CPSF2: variants seen among roughly 807,000 people sequenced by gnomAD.
CPSF2 encodes cleavage and polyadenylation specificity factor subunit 2.
CPSF2 carries 51 observed loss-of-function variants against 84.2 expected under a neutral mutation model. That is an observed-to-expected ratio of 0.61 (90% CI 0.48 to 0.77). The LOEUF (loss-of-function observed/expected upper bound fraction) is 0.77. Ranked by LOEUF, CPSF2 falls within the 30% of genes least tolerant of loss-of-function variation. The pLI is 0.00. For missense variants in CPSF2, 641 were observed against 929.4 expected, an observed-to-expected ratio of 0.69 and a Z score of 4.03; for synonymous variants, 286 against 311.9, an observed-to-expected ratio of 0.92 and a Z score of 0.87.
In CPSF2 at chr14:92,159,074, G is replaced by C. The variant is rs746403037; in HGVS notation, c.1913G>C (p.Arg638Thr). The change falls in exon 14 of 16, where the codon AGA becomes ACA. Residue 638 changes from arginine to threonine, a missense_variant. Arg to Thr is a moderately conservative substitution (Grantham distance 71). Coordinates refer to ENST00000298875, the MANE Select transcript of CPSF2 (RefSeq NM_017437.3). ...LAWIDGVLDM[R>T]VSKVDTGVIL... Reference sequence around the variant, plus strand: ...TGGATAGATGGTGTCTTAGATATGAGAGTTTCCAAAGTGGACACAGGGGTT... The same window carrying C: ...TGGATAGATGGTGTCTTAGATATGACAGTTTCCAAAGTGGACACAGGGGTT... The C allele has an allele frequency of 6.2e-7, 1 of 1,614,052 alleles. No homozygotes were observed. The highest frequency in any genetic ancestry group is 1.1e-5 in the South Asian group (1 of 91,076).
intron 9 of CPSF2, among the ~76,000 whole-genome samples, chr14:92,145,079 A>G (rs1158592784): frequency 6.6e-6 from 1 of 152,226 alleles, no homozygotes; most frequent in African/African-American, 2.4e-5. Context: ...AAATTAGTAT[A>G]TCATTAAAGT....
At position 92,150,510 on chromosome 14, in the gene CPSF2, C is replaced by T. The variant is rs2069201386; in HGVS notation, c.1141-3848C>T. ...AGGCACAATCATGGCTCACCACATC[C>T]TTGAACTTCTGCGTTCATGTGACCC... is the stretch of plus-strand genomic sequence containing the variant. On this transcript the variant is annotated intron_variant, in intron 9 of 15. Coordinates refer to ENST00000298875, the MANE Select transcript of CPSF2 (RefSeq NM_017437.3). Among the ~76,000 whole-genome samples, 4 of 152,032 alleles carry T rather than the reference C, an allele frequency of 2.6e-5. No individual in the cohort carries two copies. In the South Asian group the frequency reaches 8.3e-4, roughly 32 times the overall value.
chr14:92,138,536 TCTTGTGCCTCAGCCTC>T (rs1038074280), intron 7 of CPSF2, among the ~76,000 whole-genome samples, 189 bp downstream of exon 7: 16 of 152,220 alleles, frequency 1.1e-4, no homozygotes, highest in Admixed American at 9.2e-4. Flanking sequence ...TTCAAGTGAT[TCTTGTGCCTCAGCCTC>T]CCGAGTAGCT....
At chr14:92,127,036 C>T (rs2068853096) in intron 2 of CPSF2, among the ~76,000 whole-genome samples, 1 of 152,086 alleles carries the variant, frequency 6.6e-6, no homozygotes, top group Non-Finnish European at 1.5e-5. Context: ...CCCATTCCTT[C>T]CTTTAAGAAA....
intron 14 of CPSF2, among the ~76,000 whole-genome samples, chr14:92,160,784 C>T (rs1461289316): frequency 6.6e-6 from 1 of 152,144 alleles, no homozygotes; most frequent in Non-Finnish European, 1.5e-5. Flanking sequence ...TTCAGTCCTG[C>T]CCATGGCACG....
intron 8 of CPSF2, 104 bp from the exon 9 acceptor site, chr14:92,142,900 C>T: frequency 2.0e-6 from 2 of 983,384 alleles, no homozygotes; most frequent in East Asian, 2.6e-5. Flanking sequence ...ATTTAAGCAA[C>T]CAGTGGGGGT....
intron 7 of CPSF2, 85 bp downstream of exon 7, chr14:92,138,432 G>T: frequency 1.5e-6 from 1 of 668,378 alleles, no homozygotes. Flanking sequence ...AAAAGTACAG[G>T]TTTCTTTTTT....
In CPSF2 at chr14:92,161,542, C is replaced by A. The variant is rs1365832281; in HGVS notation, c.2257-110C>A. ...ATCCATATGCTGTGAATCAGAGCAA[C>A]CCATGTCCTGACCAATCATAAAGTA... On this transcript the variant is annotated intron_variant, in intron 15 of 15. Transcript: ENST00000298875. 10 of 727,488 alleles carry A rather than the reference C, an allele frequency of 1.4e-5. No individual in the cohort carries two copies. The African/African-American group carries it at 1.9e-4, about 13-fold the overall frequency. The allele number at this position is 727,488 out of a possible 1,614,324, so 45.1% of individuals were successfully genotyped here.
chr14:92,127,940 G>A (rs551393593), intron 2 of CPSF2, among the ~76,000 whole-genome samples: 61 of 152,318 alleles, frequency 4.0e-4, no homozygotes, highest in African/African-American at 1.4e-3. Flanking sequence ...TGGAGGGAGG[G>A]ATGGGTGATC....
intron 3 of CPSF2, among the ~76,000 whole-genome samples, chr14:92,131,886 T>C (rs1426417143): frequency 1.3e-5 from 2 of 152,078 alleles, no homozygotes; most frequent in Non-Finnish European, 2.9e-5. Flanking sequence ...TGCAGTATTA[T>C]ACTAATTTTG....
chr14:92,137,189 C>T (rs1337990097), intron 6 of CPSF2, among the ~76,000 whole-genome samples: 1 of 151,692 alleles, frequency 6.6e-6, no homozygotes, highest in Non-Finnish European at 1.5e-5. Context: ...TGTTAGATAC[C>T]ATTAAAATTA....
Position 92,155,251 on chromosome 14 carries a change from C to T in CPSF2, c.1370C>T (p.Ala457Val). The change falls in exon 11 of 16, where the codon GCA (alanine) becomes GTA (valine). Residue 457 changes from alanine (A) to valine (V), a missense_variant. Ala to Val is a moderately conservative substitution (Grantham distance 64, BLOSUM62 0). Around this residue, in one of 2 missense-constraint regions of CPSF2, gnomAD observed 430 missense variants for 553.6 expected, o/e 0.78. Transcript: ENST00000298875. ...CGTAAAGGAAGTTTTTTCAAACAGG[C>T]AAAAAAGTCCTATCCTATGTTTCCT... is the stretch of plus-strand genomic sequence containing the variant. ...GSRKGSFFKQ[A>V]KKSYPMFPAP... 6.2e-7 allele frequency: 1 copy of T among 1,613,668 alleles called. No individual in the cohort carries two copies. Among genetic ancestry groups the T allele is most frequent in the Non-Finnish European group, 8.5e-7 (1 of 1,179,844 alleles).
chr14:92,143,129 T>C lies in CPSF2; in HGVS notation c.975T>C (p.Val325=), dbSNP rs770631700. The change falls in exon 9 of 16, where the codon GTT becomes GTC. Residue 325 remains valine, a synonymous_variant. Coordinates refer to ENST00000298875, the MANE Select transcript of CPSF2 (RefSeq NM_017437.3). ...SDLARVPSPK[V]VLASQPDLEC... is the part of the protein sequence containing the mutation. Reference sequence around the variant, plus strand: ...TGGCCCGTGTACCTAGCCCTAAAGTTGTACTTGCCAGCCAACCTGACCTGG... The same window carrying C: ...TGGCCCGTGTACCTAGCCCTAAAGTCGTACTTGCCAGCCAACCTGACCTGG... 22 of 1,614,022 alleles carry C rather than the reference T, an allele frequency of 1.4e-5. No homozygotes were observed. The East Asian group carries it at 2.7e-4, about 20-fold the overall frequency.
chr14:92,124,336 A>C (rs1175784122), intron 1 of CPSF2, among the ~76,000 whole-genome samples: 1 of 152,158 alleles, frequency 6.6e-6, no homozygotes, highest in East Asian at 1.9e-4. Context: ...GAACAGAAAA[A>C]CTAGATGAAA....
intron 1 of CPSF2, among the ~76,000 whole-genome samples, chr14:92,124,846 C>A (rs945004550): frequency 6.6e-6 from 1 of 152,122 alleles, no homozygotes; most frequent in African/African-American, 2.4e-5. Context: ...TCACCCGTTT[C>A]TTTTTCACTT....
chr14:92,144,482 T>C (rs1206553488), intron 9 of CPSF2, among the ~76,000 whole-genome samples: 1 of 152,222 alleles, frequency 6.6e-6, no homozygotes, highest in Non-Finnish European at 1.5e-5. Flanking sequence ...TTCTGTTCCA[T>C]TGGGACTTTC....
chr14:92,128,381 G>C (rs955694589), intron 2 of CPSF2, among the ~76,000 whole-genome samples: 3 of 152,216 alleles, frequency 2.0e-5, no homozygotes, highest in African/African-American at 7.2e-5. Flanking sequence ...TACTCAGGTG[G>C]CTGAGGCAGG....
chr14:92,140,786 G>T (rs2069067973), intron 7 of CPSF2, among the ~76,000 whole-genome samples: 1 of 152,012 alleles, frequency 6.6e-6, no homozygotes. Flanking sequence ...TGGTGGTACA[G>T]GCCCGTAGTT....
Position 92,143,300 on chromosome 14 carries a change from C to A in CPSF2, c.1140+6C>A. On this transcript the variant is annotated splice_donor_region_variant and intron_variant, in intron 9 of 15. Transcript: ENST00000298875. ...AAAAAATTACAGAAATAGAGGTAAG[C>A]ACTTGTATGTGAACTTTATCTTAAA... 6.4e-7 allele frequency: 1 copy of A among 1,566,592 alleles called. No homozygotes were observed. Among genetic ancestry groups the A allele is most frequent in the Non-Finnish European group, 8.7e-7 (1 of 1,145,838 alleles).
Sources: gnomAD v4.1 joint callset for allele counts (sites outside exome capture counted in the v4.1 genomes callset) on GRCh38, gnomAD v4.1.1 for gene constraint, gnomAD v4.1.1 regional missense constraint, MANE v1.5 for transcripts, NCBI Gene and HGNC (gene_info 2026-07-23, HGNC 2026-07-21) for gene names.